GRM5: variants seen among roughly 807,000 people sequenced by gnomAD.
The protein encoded by GRM5 is glutamate metabotropic receptor 5.
GRM5 carries 19 observed loss-of-function variants against 83.1 expected under a neutral mutation model. The observed-to-expected ratio is 0.23, with a 90% CI of 0.16 to 0.34. The LOEUF (loss-of-function observed/expected upper bound fraction) is 0.34, where lower values mean the gene tolerates loss of function less well. Among genes scored for constraint, GRM5 ranks in the 10% least tolerant of loss-of-function variants. GRM5 has a pLI of 1.00. For missense variants in GRM5, 1,160 were observed against 1,588.3 expected (o/e 0.73, Z 4.58); for synonymous variants, 675 against 633.6 (o/e 1.07, Z -0.98).
rs1464753207 is a variant in GRM5 at position 88,957,991 on chromosome 11, CTT to C, written c.661+89219_661+89220del. ...TAAGAACTATTTTTAATTTTAGAAA[CTT>C]ATATTTTTTATACTACCAAAGATTG... On this transcript the variant is annotated intron_variant, in intron 2 of 9. Transcript: ENST00000305447. 2.6e-5 allele frequency among the ~76,000 whole-genome samples: 4 copies of C among 151,998 alleles called. No individual in the cohort carries two copies. In the East Asian group the frequency reaches 7.7e-4, roughly 29 times the overall value.
chr11:88,731,960 C>G (rs1941816939), intron 3 of GRM5, among the ~76,000 whole-genome samples: 2 of 151,998 alleles, frequency 1.3e-5, no homozygotes, highest in African/African-American at 4.8e-5. Flanking sequence ...ATAAATGATG[C>G]CTTGCAAAAA....
chr11:89,026,461 T>G (rs1030152859), intron 2 of GRM5, among the ~76,000 whole-genome samples: 1 of 152,212 alleles, frequency 6.6e-6, no homozygotes, highest in South Asian at 2.1e-4. Context: ...GAACACTGAA[T>G]ATAGATAGCA....
chr11:89,039,214 G>A (rs1477588102), intron 2 of GRM5, among the ~76,000 whole-genome samples: 6 of 151,444 alleles, frequency 4.0e-5, no homozygotes, highest in Non-Finnish European at 7.4e-5. Flanking sequence ...GCAGTGAGCC[G>A]AGATCGCGCC....
chr11:88,613,432 G>A (rs754020654), intron 4 of GRM5, among the ~76,000 whole-genome samples: 1 of 152,050 alleles, frequency 6.6e-6, no homozygotes, highest in East Asian at 1.9e-4. Flanking sequence ...TGTTTGTATT[G>A]TAACTTTTAC....
At chr11:88,665,088 G>A (rs1940005252) in intron 3 of GRM5, among the ~76,000 whole-genome samples, 1 of 151,176 alleles carries the variant, frequency 6.6e-6, no homozygotes, top group Non-Finnish European at 1.5e-5. Flanking sequence ...TGTATTAAAT[G>A]TGATCTTTAA....
chr11:88,922,230 G>T (rs1945705763), intron 2 of GRM5, among the ~76,000 whole-genome samples: 1 of 152,104 alleles, frequency 6.6e-6, no homozygotes, highest in Admixed American at 6.6e-5. Flanking sequence ...AGTAGAAAAA[G>T]TATTCTAAAA....
chr11:88,969,217 A>T (rs1024687428), intron 2 of GRM5, among the ~76,000 whole-genome samples: 1 of 151,988 alleles, frequency 6.6e-6, no homozygotes, highest in African/African-American at 2.4e-5. Context: ...GCTTTAAAAA[A>T]TTTTCATATT....
At chr11:88,930,776 T>G (rs1359698499) in intron 2 of GRM5, among the ~76,000 whole-genome samples, 2 of 152,132 alleles carry the variant, frequency 1.3e-5, no homozygotes, top group Admixed American at 1.3e-4. Context: ...CTCAAATTCC[T>G]GACCTCAGGC....
chr11:88,651,801 A>G (rs1939639670), intron 4 of GRM5, among the ~76,000 whole-genome samples: 1 of 152,002 alleles, frequency 6.6e-6, no homozygotes, highest in African/African-American at 2.4e-5. Context: ...CTTCTACCCA[A>G]ATAGGAACTG....
intron 3 of GRM5, among the ~76,000 whole-genome samples, chr11:88,656,336 G>A (rs530235338): frequency 5.2e-4 from 79 of 151,954 alleles, no homozygotes; most frequent in Non-Finnish European, 8.2e-4. Flanking sequence ...ATTCTTTTCC[G>A]TTGTTTGGAT....
chr11:88,818,004 A>C (rs1330874035), intron 3 of GRM5, among the ~76,000 whole-genome samples: 2 of 152,128 alleles, frequency 1.3e-5, no homozygotes, highest in African/African-American at 4.8e-5. Flanking sequence ...TGCTTATTAC[A>C]TGCTGAGAAA....
intron 8 of GRM5, among the ~76,000 whole-genome samples, chr11:88,553,650 A>G (rs921048206): frequency 1.3e-5 from 2 of 152,152 alleles, no homozygotes; most frequent in African/African-American, 4.8e-5. Flanking sequence ...TGAGGAATAT[A>G]AGTAGGGGGA....
intron 3 of GRM5, among the ~76,000 whole-genome samples, chr11:88,847,973 T>C (rs1050929598): frequency 2.0e-5 from 3 of 152,196 alleles, no homozygotes; most frequent in Admixed American, 2.0e-4. Context: ...AAATACACCA[T>C]ATGACTGAAA....
intron 8 of GRM5, among the ~76,000 whole-genome samples, chr11:88,554,956 A>G (rs1436060678): frequency 6.6e-6 from 1 of 152,152 alleles, no homozygotes; most frequent in Non-Finnish European, 1.5e-5. Context: ...AAGTTTGAAT[A>G]TGGAGCAAAC....
At chr11:88,979,437 T>A (rs1211952076) in intron 2 of GRM5, among the ~76,000 whole-genome samples, 1 of 152,232 alleles carries the variant, frequency 6.6e-6, no homozygotes, top group Non-Finnish European at 1.5e-5. Context: ...TGACAAATGT[T>A]CTGTGAGTCT....
At chr11:88,821,911 A>T (rs1160863709) in intron 3 of GRM5, among the ~76,000 whole-genome samples, 1 of 151,990 alleles carries the variant, frequency 6.6e-6, no homozygotes. Context: ...GAATTATTGA[A>T]TACTGGAGTT....
chr11:88,597,211 A>G lies in GRM5; in HGVS notation c.1536T>C (p.Ser512=). ...TGATCTGGCCTTTCTCACATGGTTC[A>G]CTGCACACAGATCTGATGATGTTGC... ...KKSNIIRSVC[S]EPCEKGQIKV... Residue 512 remains serine (S), a synonymous_variant, in exon 6 of 10, where the codon AGT becomes AGC. Coordinates refer to ENST00000305447, the MANE Select transcript of GRM5 (RefSeq NM_001143831.3). 1.2e-6 allele frequency: 2 copies of G among 1,603,700 alleles called. No homozygotes were observed. The highest frequency in any genetic ancestry group is 8.5e-7 in the Non-Finnish European group (1 of 1,175,742).
intron 1 of GRM5, among the ~76,000 whole-genome samples, chr11:89,061,542 A>G (rs1941992219): frequency 6.6e-6 from 1 of 152,216 alleles, no homozygotes; most frequent in South Asian, 2.1e-4. Flanking sequence ...AAACACAACA[A>G]TGTTAATAAT....
intron 3 of GRM5, among the ~76,000 whole-genome samples, chr11:88,754,224 G>A (rs1179204701): frequency 6.6e-6 from 1 of 152,090 alleles, no homozygotes; most frequent in Non-Finnish European, 1.5e-5. Context: ...ATAAATGGGA[G>A]CTGAGTGATG....
Sources: allele counts gnomAD v4.1 joint callset (sites outside exome capture counted in the v4.1 genomes callset), GRCh38; gene constraint gnomAD v4.1.1; transcripts MANE v1.5; gene names NCBI Gene and HGNC (gene_info 2026-07-23, HGNC 2026-07-21).